FAAH2: variants seen among roughly 807,000 people sequenced by gnomAD.
FAAH2 encodes the protein fatty acid amide hydrolase 2.
Under a neutral mutation model 36.9 loss-of-function variants are expected in FAAH2, and 60 were observed. That is an observed-to-expected ratio of 1.63 (90% CI 1.32 to 2.02). FAAH2 has a LOEUF of 2.02. FAAH2 is among the 30% of genes most tolerant of loss of function. FAAH2 has a pLI of 0.00. For synonymous variants in FAAH2, 214 were observed against 143.8 expected (o/e 1.49, Z -3.49); for missense variants, 689 against 397.5 (o/e 1.73, Z -6.23).
At chrX:57,140,763 A>T in the FAAH2 span, among the ~76,000 whole-genome samples, 5 of 111,567 alleles carry the variant, frequency 4.5e-5, no homozygotes, top group Non-Finnish European at 5.6e-5. Context: ...TCACTTATAA[A>T]CGGGAGGCAA....
At chrX:57,277,830 CA>C in the FAAH2 span, among the ~76,000 whole-genome samples, 2 of 111,253 alleles carry the variant, frequency 1.8e-5, no homozygotes, top group African/African-American at 6.5e-5. Context: ...ACAATTGCTA[CA>C]AAGAGAATAA....
In FAAH2 at chrX:57,292,487, G is replaced by C; in HGVS notation, c.193-11G>C. 8.4e-7 allele frequency: 1 copy of C among 1,195,836 alleles called. No individual in the cohort carries two copies. The highest frequency in any genetic ancestry group is 1.1e-6 in the Non-Finnish European group (1 of 884,710). ...ATAAATGGCTGCTGACTAAAGTATT[G>C]TATTTTGCAGGTGAAATGTATAGAT... On this transcript the variant is annotated splice_polypyrimidine_tract_variant and intron_variant, in intron 1 of 10. Coordinates refer to ENST00000374900, the MANE Select transcript of FAAH2 (RefSeq NM_174912.4).
At chrX:57,391,772 C>T (rs2055172036) in intron 7 of FAAH2, among the ~76,000 whole-genome samples, 1 of 110,153 alleles carries the variant, frequency 9.1e-6, no homozygotes. Flanking sequence ...CCTCTTTTTT[C>T]TTTTTATGAA....
chrX:57,371,325 A>T (rs2054544516), intron 5 of FAAH2, among the ~76,000 whole-genome samples: 2 of 111,082 alleles, frequency 1.8e-5, no homozygotes, highest in African/African-American at 3.3e-5. Flanking sequence ...TTTAGCTCCC[A>T]CTTGTAAGTG....
chrX:57,410,107 T>A (rs2055662817), intron 7 of FAAH2, among the ~76,000 whole-genome samples: 2 of 111,428 alleles, frequency 1.8e-5, no homozygotes, highest in African/African-American at 3.3e-5. Context: ...TTTTTTTAAT[T>A]TCCTTTTATT....
chrX:57,162,878 A>G, the FAAH2 span, among the ~76,000 whole-genome samples: 30 of 113,016 alleles, frequency 2.7e-4, no homozygotes, highest in Non-Finnish European at 4.1e-4. Context: ...GTCAATCTCC[A>G]TCCAGCTTTG....
At chrX:57,382,897 C>T (rs1043796106) in intron 7 of FAAH2, among the ~76,000 whole-genome samples, 13 of 111,707 alleles carry the variant, frequency 1.2e-4, no homozygotes, top group African/African-American at 4.2e-4. Flanking sequence ...AGGCCAATAA[C>T]CCTGATGAAC....
chrX:57,450,615 C>A (rs184358119), intron 10 of FAAH2, among the ~76,000 whole-genome samples: 1 of 110,874 alleles, frequency 9.0e-6, no homozygotes, highest in East Asian at 2.8e-4. Context: ...ATTCCTGGTT[C>A]TTTTTTTTCC....
At chrX:57,359,774 A>G (rs774012265) in intron 5 of FAAH2, among the ~76,000 whole-genome samples, 2 of 111,222 alleles carry the variant, frequency 1.8e-5, no homozygotes, top group African/African-American at 3.3e-5. Context: ...TCTACCAGAG[A>G]TCTTTGTTAT....
At chrX:57,389,717 T>G (rs2055118559) in intron 7 of FAAH2, among the ~76,000 whole-genome samples, 1 of 111,109 alleles carries the variant, frequency 9.0e-6, no homozygotes, top group African/African-American at 3.3e-5. Flanking sequence ...CTGATTTGAA[T>G]TACTTCAAAT....
chrX:57,258,890 T>C, the FAAH2 span, among the ~76,000 whole-genome samples: 2 of 108,280 alleles, frequency 1.8e-5, no homozygotes, highest in Admixed American at 2.0e-4. Flanking sequence ...GTTTTTTTTT[T>C]TTTGGATTTT....
At chrX:57,235,186 A>T in the FAAH2 span, among the ~76,000 whole-genome samples, 2 of 111,439 alleles carry the variant, frequency 1.8e-5, no homozygotes, top group Non-Finnish European at 3.8e-5. Context: ...GGCTTAAGGA[A>T]GTGTGAGGGT....
chrX:57,196,727 C>A, the FAAH2 span, among the ~76,000 whole-genome samples: 1 of 111,424 alleles, frequency 9.0e-6, no homozygotes. Context: ...TGAAGTATAT[C>A]TCTTTTATGC....
At chrX:57,471,053 T>C (rs942783718) in intron 10 of FAAH2, among the ~76,000 whole-genome samples, 1 of 111,917 alleles carries the variant, frequency 8.9e-6, no homozygotes, top group Non-Finnish European at 1.9e-5. Flanking sequence ...CAGCCCTTCA[T>C]GGTAAAAACT....
At chrX:57,163,574 T>C in the FAAH2 span, among the ~76,000 whole-genome samples, 3 of 112,052 alleles carry the variant, frequency 2.7e-5, no homozygotes, top group African/African-American at 9.7e-5. Context: ...TGCGCCGTTT[T>C]TTAAGCCCGT....
intron 7 of FAAH2, among the ~76,000 whole-genome samples, chrX:57,384,641 G>T: frequency 9.0e-6 from 1 of 110,779 alleles, no homozygotes; most frequent in Non-Finnish European, 1.9e-5. Flanking sequence ...TCTCACACCA[G>T]TTAGAATGGC....
At chrX:57,368,567 A>T (rs1195025398) in intron 5 of FAAH2, among the ~76,000 whole-genome samples, 1 of 111,787 alleles carries the variant, frequency 8.9e-6, no homozygotes, top group Admixed American at 9.5e-5. Flanking sequence ...TCCCACCCAC[A>T]GTGGAGCAGC....
chrX:57,238,606 G>A, the FAAH2 span, among the ~76,000 whole-genome samples: 244 of 111,178 alleles, frequency 2.2e-3, 1 homozygote, highest in African/African-American at 7.7e-3. Flanking sequence ...TAACAAACCT[G>A]CACAGGTACC....
chrX:57,396,620 T>A (rs1417895305), intron 7 of FAAH2, among the ~76,000 whole-genome samples: 1 of 111,770 alleles, frequency 8.9e-6, no homozygotes, highest in Non-Finnish European at 1.9e-5. Flanking sequence ...AGTTATTTAG[T>A]TCCCATGTAT....
Sources: allele counts gnomAD v4.1 joint callset (sites outside exome capture counted in the v4.1 genomes callset), GRCh38; gene constraint gnomAD v4.1.1; transcripts MANE v1.5; gene names NCBI Gene and HGNC (gene_info 2026-07-23, HGNC 2026-07-21).